Variants in SH3RF3 observed in about 807,000 individuals in gnomAD.
SH3RF3 encodes the protein E3 ubiquitin-protein ligase SH3RF3.
In SH3RF3, 29 loss-of-function variants were observed where a neutral mutation model predicts 66.3. That is an observed-to-expected ratio of 0.44 (90% confidence interval 0.33 to 0.60). The LOEUF (loss-of-function observed/expected upper bound fraction) is 0.60. SH3RF3 is among the 20% of genes least tolerant of loss of function. SH3RF3 has a pLI of 0.04. For missense variants in SH3RF3, 1,194 were observed against 1,190.9 expected (o/e 1.00, Z -0.04); for synonymous variants, 583 against 532.0 (o/e 1.10, Z -1.32).
At chr2:109,176,807 G>A (rs562942782) in intron 1 of SH3RF3, among the ~76,000 whole-genome samples, 7 of 152,322 alleles carry the variant, frequency 4.6e-5, no homozygotes, top group Non-Finnish European at 7.4e-5. Context: ...AGGCTCAGCC[G>A]TGAACTTTAT....
At chr2:109,183,413 C>A (rs1016529016) in intron 1 of SH3RF3, among the ~76,000 whole-genome samples, 4 of 152,174 alleles carry the variant, frequency 2.6e-5, no homozygotes, top group Non-Finnish European at 2.9e-5. Context: ...GGAAACAAAG[C>A]TCTACCTTAT....
intron 1 of SH3RF3, among the ~76,000 whole-genome samples, chr2:109,271,119 C>T (rs769294736): frequency 5.9e-5 from 9 of 152,134 alleles, no homozygotes; most frequent in East Asian, 3.9e-4. Context: ...GCGAACGGGG[C>T]GAAGTGCAGG....
At chr2:109,298,239 C>A (rs1255483621) in intron 1 of SH3RF3, among the ~76,000 whole-genome samples, 1 of 152,154 alleles carries the variant, frequency 6.6e-6, no homozygotes, top group African/African-American at 2.4e-5. Context: ...GGAGAGCAGG[C>A]AGGAGCATGA....
chr2:109,305,430 A>G (rs143297316), intron 1 of SH3RF3, among the ~76,000 whole-genome samples: 2 of 152,052 alleles, frequency 1.3e-5, no homozygotes, highest in African/African-American at 2.4e-5. Flanking sequence ...CGTGCTTCCT[A>G]TTTCCCTGTC....
rs148933077 is a variant in SH3RF3, at chr2:109,149,066, G to A, written c.573+18953G>A. 7.8e-4 allele frequency among the ~76,000 whole-genome samples: 118 copies of A among 152,116 alleles called. 1 individual carries two copies. The highest frequency in any genetic ancestry group is 2.6e-3 in the African/African-American group (109 of 41,496). ...CATTTGCTCTTTCCTTCCTTCAGAG[G>A]CTTCAATTGAGTGCCTCATGCAGGC... On this transcript the variant is annotated intron_variant, in intron 1 of 9. Coordinates refer to ENST00000309415, the MANE Select transcript of SH3RF3 (RefSeq NM_001099289.3).
chr2:109,379,278 A>G (rs1452395665), intron 3 of SH3RF3, among the ~76,000 whole-genome samples: 1 of 152,240 alleles, frequency 6.6e-6, no homozygotes, highest in African/African-American at 2.4e-5. Flanking sequence ...CCCAGGGCTC[A>G]ATCTCTCCAG....
chr2:109,483,729 G>A (rs1490532530), intron 8 of SH3RF3, among the ~76,000 whole-genome samples: 4 of 152,200 alleles, frequency 2.6e-5, no homozygotes, highest in Non-Finnish European at 5.9e-5. Flanking sequence ...TCACCCAGCT[G>A]TGCCACATGA....
intron 1 of SH3RF3, among the ~76,000 whole-genome samples, chr2:109,249,510 A>C (rs6732728): frequency 8.9e-5 from 11 of 123,240 alleles, no homozygotes; most frequent in African/African-American, 2.3e-4. Flanking sequence ...TCTTTCTTTC[A>C]TTCTTTCTTT....
intron 8 of SH3RF3, among the ~76,000 whole-genome samples, chr2:109,468,185 A>T (rs1678409102): frequency 6.6e-6 from 1 of 152,238 alleles, no homozygotes; most frequent in Non-Finnish European, 1.5e-5. Flanking sequence ...CCTAGATGGC[A>T]CAGCCTGTGA....
At chr2:109,325,728 C>G (rs1682138563) in intron 1 of SH3RF3, among the ~76,000 whole-genome samples, 2 of 152,200 alleles carry the variant, frequency 1.3e-5, no homozygotes, top group Non-Finnish European at 2.9e-5. Context: ...CTACATGTTC[C>G]TTGGAATGTC....
At chr2:109,413,294 A>C (rs778794912) in intron 4 of SH3RF3, among the ~76,000 whole-genome samples, 2 of 152,130 alleles carry the variant, frequency 1.3e-5, no homozygotes, top group Non-Finnish European at 2.9e-5. Context: ...TTTGTATTTT[A>C]GTAGAGACAG....
chr2:109,248,678 A>AAAT (rs1483219272), intron 1 of SH3RF3, among the ~76,000 whole-genome samples: 4 of 152,198 alleles, frequency 2.6e-5, no homozygotes, highest in African/African-American at 9.6e-5. Context: ...GAAGAGAAAA[A>AAAT]TGAAGTACTG....
Position 109,229,888 on chromosome 2 carries a change from A to G in SH3RF3, c.573+99775A>G, listed in dbSNP as rs537763556. Reference sequence around the variant, plus strand: ...TGCCCAGGCTGGAGTGCAGTGGCGCAATCTTGGCTCACTGCAAGCTCTGCC... The same window carrying G: ...TGCCCAGGCTGGAGTGCAGTGGCGCGATCTTGGCTCACTGCAAGCTCTGCC... On this transcript the variant is annotated intron_variant, in intron 1 of 9. Transcript: ENST00000309415. Among the ~76,000 whole-genome samples the G allele has an allele frequency of 1.7e-3, 245 of 146,154 alleles. 1 individual carries two copies. Among genetic ancestry groups the G allele is most frequent in the African/African-American group, 6.1e-3 (238 of 39,286 alleles).
At chr2:109,496,587 T>G (rs1319760294) in intron 9 of SH3RF3, among the ~76,000 whole-genome samples, 1 of 152,242 alleles carries the variant, frequency 6.6e-6, no homozygotes, top group Non-Finnish European at 1.5e-5. Context: ...CCCTTTGACC[T>G]GCTTCTCCCC....
intron 2 of SH3RF3, among the ~76,000 whole-genome samples, chr2:109,361,781 T>C (rs1683055043): frequency 6.6e-6 from 1 of 152,226 alleles, no homozygotes; most frequent in Admixed American, 6.5e-5. Context: ...TATTGAATTA[T>C]ATATTTCTTC....
intron 1 of SH3RF3, among the ~76,000 whole-genome samples, chr2:109,254,720 G>A (rs369524089): frequency 9.2e-5 from 14 of 152,092 alleles, no homozygotes; most frequent in South Asian, 2.1e-4. Context: ...TGTGCCAGCC[G>A]CTCCCATGAG....
chr2:109,433,029 G>T (rs1222879743), intron 6 of SH3RF3, among the ~76,000 whole-genome samples: 4 of 152,268 alleles, frequency 2.6e-5, no homozygotes, highest in South Asian at 2.1e-4. Flanking sequence ...TGCTATGCGT[G>T]TGCAGTGTGT....
intron 5 of SH3RF3, among the ~76,000 whole-genome samples, chr2:109,432,190 G>T (rs1292320961): frequency 2.6e-5 from 4 of 152,186 alleles, no homozygotes; most frequent in African/African-American, 9.6e-5. Context: ...GAGGGCTTTG[G>T]GGTCACTGGG....
At chr2:109,419,442 G>T in intron 4 of SH3RF3, 97 bp from the exon 5 acceptor site, 2 of 1,282,588 alleles carry the variant, frequency 1.6e-6, no homozygotes, top group Non-Finnish European at 2.2e-6. Context: ...AGCTGGCGAA[G>T]CACAGGCACC....
Sources: gnomAD v4.1 joint callset for allele counts (sites outside exome capture counted in the v4.1 genomes callset) on GRCh38, gnomAD v4.1.1 for gene constraint, MANE v1.5 for transcripts, NCBI Gene and HGNC (gene_info 2026-07-23, HGNC 2026-07-21) for gene names.